The following CIP2A variants were observed in gnomAD, a reference collection of about 807,000 sequenced individuals.
The protein encoded by CIP2A is protein CIP2A.
A neutral mutation model predicts 110.9 loss-of-function variants in CIP2A; 103 were observed. The ratio of observed to expected loss-of-function variants is 0.93; its 90% CI spans 0.79 to 1.09. The LOEUF (loss-of-function observed/expected upper bound fraction) is 1.09. Ranked by LOEUF, CIP2A falls within the 50% of genes least tolerant of loss-of-function variation. CIP2A has a pLI of 0.00. For synonymous variants in CIP2A, 381 were observed against 361.6 expected (o/e 1.05, Z -0.61); for missense variants, 1,088 against 1,038.4 (o/e 1.05, Z -0.66).
Position 108,582,995 on chromosome 3 carries a change from A to T in CIP2A, c.339T>A (p.Thr113=), listed in dbSNP as rs768016244. ...LAGVVCRSSH[T]DSVFLQCIQL... ...TGTATACCTGCAAAAACACCGAATCAGTGTGGCTGCTCCGACAAACCACTC... is the reference window on the plus strand; with the variant it reads ...TGTATACCTGCAAAAACACCGAATCTGTGTGGCTGCTCCGACAAACCACTC... Residue 113 remains threonine (T), a synonymous_variant, in exon 3 of 21, where the codon ACT becomes ACA. Transcript: ENST00000295746. The T allele has an allele frequency of 6.2e-7, 1 of 1,609,124 alleles. No homozygotes were observed. Among genetic ancestry groups the T allele is most frequent in the Non-Finnish European group, 8.5e-7 (1 of 1,176,978 alleles).
At chr3:108,563,269 G>C (rs759589080) in intron 12 of CIP2A, 25 bp from the exon 13 acceptor site, 4 of 1,339,664 alleles carry the variant, frequency 3.0e-6, no homozygotes, top group Admixed American at 3.4e-5. Flanking sequence ...AACCAAAAAA[G>C]AAGCAGCAGA....
At chr3:108,551,354 G>A (rs777285973) in intron 20 of CIP2A, 35 bp from the exon 21 acceptor site, 3 of 1,505,644 alleles carry the variant, frequency 2.0e-6, no homozygotes, top group South Asian at 1.3e-5. Context: ...AGGAAGAATT[G>A]AGAAGAAAAA....
intron 16 of CIP2A, among the ~76,000 whole-genome samples, chr3:108,558,926 T>C (rs1370877295): frequency 1.3e-5 from 2 of 152,138 alleles, no homozygotes; most frequent in Non-Finnish European, 2.9e-5. Context: ...ATTTTAATGA[T>C]ATTTGAAAGC....
At chr3:108,585,319 C>A in intron 1 of CIP2A, 107 bp from the exon 2 acceptor site, 1 of 1,026,274 alleles carries the variant, frequency 9.7e-7, no homozygotes, top group East Asian at 2.6e-5. Flanking sequence ...GCTACCTTCC[C>A]AATTTAAAAA....
At chr3:108,551,826 T>C (rs1937604941) in intron 20 of CIP2A, among the ~76,000 whole-genome samples, 1 of 152,156 alleles carries the variant, frequency 6.6e-6, no homozygotes, top group Admixed American at 6.5e-5. Flanking sequence ...ATTCAGAATA[T>C]ATACCTATTG....
chr3:108,554,836 T>A (rs138026805), intron 17 of CIP2A, among the ~76,000 whole-genome samples: 4 of 152,340 alleles, frequency 2.6e-5, no homozygotes, highest in African/African-American at 9.6e-5. Flanking sequence ...AAACTCTGCA[T>A]CTAATAGTCC....
At chr3:108,552,416 C>G (rs747298807) in intron 19 of CIP2A, 43 bp from the exon 20 acceptor site, 2 of 1,297,948 alleles carry the variant, frequency 1.5e-6, no homozygotes, top group Non-Finnish European at 2.1e-6. Flanking sequence ...AGAGGTCTTA[C>G]ACTGACTACT....
rs1218435398 is a variant in CIP2A, at chr3:108,560,656, C to T, written c.1820G>A (p.Gly607Glu). ...IEELIEKLQS[G>E]MVVKDQICDV... ...TGCTATTTTTTCACTCACCACCATT[C>T]CAGACTGAAGTTTCTCTATTAATTC... Residue 607 changes from glycine (G) to glutamate (E), a missense_variant, in exon 14 of 21, where the codon GGA becomes GAA. Transcript: ENST00000295746. 1.2e-6 allele frequency: 2 copies of T among 1,601,606 alleles called. No homozygotes were observed. Among genetic ancestry groups the T allele is most frequent in the Non-Finnish European group, 1.7e-6 (2 of 1,173,196 alleles).
chr3:108,577,531 A>G (rs1279864575), intron 7 of CIP2A, among the ~76,000 whole-genome samples: 2 of 152,206 alleles, frequency 1.3e-5, no homozygotes, highest in Non-Finnish European at 2.9e-5. Context: ...ATGGGGCTCC[A>G]TTTAGATATT....
intron 19 of CIP2A, 83 bp from the exon 20 acceptor site, chr3:108,552,456 C>A: frequency 3.0e-5 from 23 of 760,864 alleles, no homozygotes; most frequent in South Asian, 2.8e-5. Context: ...ACTGTAAGAG[C>A]AAAAGAGAAA....
Position 108,554,454 on chromosome 3 carries a change from T to C in CIP2A, c.2246A>G (p.Gln749Arg), listed in dbSNP as rs751643435. 3.2e-6 allele frequency: 5 copies of C among 1,538,894 alleles called. No homozygotes were observed. The highest frequency in any genetic ancestry group is 4.5e-6 in the Non-Finnish European group (5 of 1,120,168). The change falls in exon 18 of 21, where the codon CAG becomes CGG. Residue 749 changes from glutamine (Q) to arginine (R), a missense_variant. Coordinates refer to ENST00000295746, the MANE Select transcript of CIP2A (RefSeq NM_020890.3). The stretch of plus-strand genomic sequence containing the variant: ...TTTATTCAGAGAATCACATGTGATC[T>C]GTAAATCTTTATTCTTCTTTTCAGT... The part of the protein sequence containing the change: ...ESTEKKNKDL[Q>R]ITCDSLNKQI...
chr3:108,587,631 A>C (rs1939099451), intron 1 of CIP2A, among the ~76,000 whole-genome samples: 1 of 152,210 alleles, frequency 6.6e-6, no homozygotes, highest in African/African-American at 2.4e-5. Flanking sequence ...TATGTATTTT[A>C]TCTCTTAATT....
intron 11 of CIP2A, 23 bp downstream of exon 11, chr3:108,566,473 TG>T: frequency 6.4e-7 from 1 of 1,573,620 alleles, no homozygotes; most frequent in Middle Eastern, 1.7e-4. Context: ...CTTGCCATTT[TG>T]TCATTAGAGT....
In CIP2A at chr3:108,582,125, C is replaced by A. The variant is rs762659292; in HGVS notation, c.435G>T (p.Thr145=). The change falls in exon 4 of 21, where the codon ACG becomes ACT. Residue 145 remains threonine, a synonymous_variant. Coordinates refer to ENST00000295746, the MANE Select transcript of CIP2A (RefSeq NM_020890.3). ...YSGANIDELI[T]FLIDHIQSSE... The stretch of plus-strand genomic sequence containing the variant: ...ATACTCACATGTGATCTATCAGGAA[C>A]GTAATTAATTCATCTATATTGGCAC... 21 of 1,458,346 alleles carry A rather than the reference C, an allele frequency of 1.4e-5. No individual in the cohort carries two copies. The highest frequency in any genetic ancestry group is 1.9e-5 in the Non-Finnish European group (20 of 1,059,248). 90.3% of individuals were successfully genotyped at this position (1,458,346 alleles called of 1,614,324 possible).
At chr3:108,553,896 T>TAAAAAA (rs71103478) in intron 18 of CIP2A, among the ~76,000 whole-genome samples, 166 bp from the exon 19 acceptor site, 3 of 84,176 alleles carry the variant, frequency 3.6e-5, no homozygotes, top group East Asian at 2.6e-4. Context: ...ACTAAAAATA[T>TAAAAAA]AAAAAAAAAA....
At chr3:108,583,366 A>C (rs1938947589) in intron 2 of CIP2A, among the ~76,000 whole-genome samples, 1 of 152,196 alleles carries the variant, frequency 6.6e-6, no homozygotes, top group African/African-American at 2.4e-5. Flanking sequence ...TGAATATTAA[A>C]AGATTATCAC....
At chr3:108,553,807 C>G in intron 18 of CIP2A, 77 bp from the exon 19 acceptor site, 2 of 1,181,058 alleles carry the variant, frequency 1.7e-6, no homozygotes, top group Non-Finnish European at 1.1e-6. Context: ...CTACCAAGCA[C>G]TTTGGGAGGC....
intron 1 of CIP2A, 29 bp from the exon 2 acceptor site, chr3:108,585,241 T>C: frequency 6.4e-7 from 1 of 1,561,854 alleles, no homozygotes; most frequent in Middle Eastern, 1.8e-4. Context: ...AATGTGTTGG[T>C]TAAGCGATGG....
At chr3:108,565,153 T>G (rs1938140209) in intron 12 of CIP2A, among the ~76,000 whole-genome samples, 1 of 151,916 alleles carries the variant, frequency 6.6e-6, no homozygotes, top group African/African-American at 2.4e-5. Flanking sequence ...TCATGAGCAC[T>G]TATGTTCAAT....
Sources: gnomAD v4.1 joint callset for allele counts (sites outside exome capture counted in the v4.1 genomes callset) on GRCh38, gnomAD v4.1.1 for gene constraint, MANE v1.5 for transcripts, NCBI Gene and HGNC (gene_info 2026-07-23, HGNC 2026-07-21) for gene names.